Variants in RRP1 observed in about 807,000 individuals in gnomAD.
RRP1 encodes ribosomal RNA processing 1, also known as ribosomal RNA processing protein 1 homolog A.
A neutral mutation model predicts 54.6 loss-of-function variants in RRP1; 37 were observed. The observed-to-expected ratio is 0.68, with a 90% CI of 0.52 to 0.89. The LOEUF (loss-of-function observed/expected upper bound fraction) is 0.89. Ranked by LOEUF, RRP1 falls within the 40% of genes least tolerant of loss-of-function variation. The pLI, the probability that RRP1 is intolerant of heterozygous loss-of-function variation, is 0.00. For synonymous variants in RRP1, 262 were observed against 244.3 expected, an observed-to-expected ratio of 1.07 and a Z score of -0.67; for missense variants, 639 against 612.5, an observed-to-expected ratio of 1.04 and a Z score of -0.46.
At chr21:43,794,255 C>T (rs578001442) in intron 4 of RRP1, among the ~76,000 whole-genome samples, 8 of 152,286 alleles carry the variant, frequency 5.3e-5, no homozygotes, top group Admixed American at 4.6e-4. Flanking sequence ...AGGCCAGGGG[C>T]CCGGCCATGC....
intron 2 of RRP1, 126 bp from the exon 3 acceptor site, chr21:43,792,546 A>AC (rs1416340903): frequency 2.2e-6 from 2 of 899,972 alleles, no homozygotes; most frequent in African/African-American, 3.3e-5. Context: ...CTGAGCTGAG[A>AC]CCCCCTGGAA....
intron 10 of RRP1, 92 bp downstream of exon 10, chr21:43,800,706 T>C: frequency 6.8e-7 from 1 of 1,471,968 alleles, no homozygotes; most frequent in Admixed American, 1.7e-5. Context: ...TCCTGGGCCC[T>C]TCCGCAGCCC....
rs538125019 is a variant in RRP1, at chr21:43,792,109, T to C, written c.217-563T>C. Among the ~76,000 whole-genome samples the C allele has an allele frequency of 1.2e-4, 18 of 152,336 alleles. No individual in the cohort carries two copies. The South Asian group carries it at 3.5e-3, about 30-fold the overall frequency. The stretch of plus-strand genomic sequence containing the variant: ...AACATTGTTTCTCAAATTGTGAATT[T>C]TGTGCTCTCCTTCAAAATCTCCTGG... On this transcript the variant is annotated intron_variant, in intron 2 of 12. Coordinates refer to ENST00000497547, the MANE Select transcript of RRP1 (RefSeq NM_003683.6).
Position 43,794,295 on chromosome 21 carries a change from A to G in RRP1, c.360+891A>G, listed in dbSNP as rs1008135641. Reference sequence around the variant, plus strand: ...AGACAGAGTGCAGACTCTTAGGGACAATGGGGCTCTGCAGGGAGGCCACCC... The same window carrying G: ...AGACAGAGTGCAGACTCTTAGGGACGATGGGGCTCTGCAGGGAGGCCACCC... On this transcript the variant is annotated intron_variant, in intron 4 of 12. Coordinates refer to ENST00000497547, the MANE Select transcript of RRP1 (RefSeq NM_003683.6). Among the ~76,000 whole-genome samples, 5 of 152,296 alleles carry G rather than the reference A, an allele frequency of 3.3e-5. No individual in the cohort carries two copies. In the East Asian group the frequency reaches 9.6e-4, roughly 29 times the overall value.
chr21:43,803,630 G>A lies in RRP1; in HGVS notation c.1242G>A (p.Glu414=), dbSNP rs11701638. ...CTGGTGAGCAGCCAGGCACAGCTGAGCGGGCCCTGCTCCGAGATCAGCCCA... is the reference window on the plus strand; with the variant it reads ...CTGGTGAGCAGCCAGGCACAGCTGAACGGGCCCTGCTCCGAGATCAGCCCA... ...AEAGEQPGTA[E]RALLRDQPRG... is the part of the protein sequence containing the mutation. The change falls in exon 13 of 13, where the codon GAG becomes GAA. Residue 414 remains glutamate (E), a synonymous_variant. Transcript: ENST00000497547. 4 of 1,551,038 alleles carry A rather than the reference G, an allele frequency of 2.6e-6. No individual in the cohort carries two copies. The highest frequency in any genetic ancestry group is 4.9e-5 in the East Asian group (2 of 41,050).
chr21:43,797,685 C>T lies in RRP1; in HGVS notation c.607C>T (p.Arg203Trp), dbSNP rs372422903. The T allele has an allele frequency of 1.1e-4, 179 of 1,613,686 alleles. No individual in the cohort carries two copies. The highest frequency in any genetic ancestry group is 1.5e-4 in the Non-Finnish European group (172 of 1,180,026). ...FIDPFCRIAA[R>W]TKDSLVLNNI... ...CGACCCCTTCTGCAGAATTGCTGCC[C>T]GGACCAAGGAGTAAGTGGTGGGTGG... The change falls in exon 7 of 13, where the codon CGG becomes TGG. Residue 203 changes from arginine (R) to tryptophan (W), a missense_variant. Arg to Trp is a moderately radical substitution (Grantham distance 101). Coordinates refer to ENST00000497547, the MANE Select transcript of RRP1 (RefSeq NM_003683.6).
At chr21:43,794,174 A>G (rs1037941179) in intron 4 of RRP1, among the ~76,000 whole-genome samples, 3 of 152,148 alleles carry the variant, frequency 2.0e-5, no homozygotes, top group Non-Finnish European at 1.5e-5. Flanking sequence ...CAGCATATAT[A>G]CCAGTGATTC....
At chr21:43,791,932 A>G (rs940228542) in intron 2 of RRP1, among the ~76,000 whole-genome samples, 1 of 152,078 alleles carries the variant, frequency 6.6e-6, no homozygotes, top group Non-Finnish European at 1.5e-5. Flanking sequence ...TGTTGATGTG[A>G]TTGACTGAGC....
At chr21:43,802,422 C>A in intron 12 of RRP1, 35 bp downstream of exon 12, 1 of 1,543,138 alleles carries the variant, frequency 6.5e-7, no homozygotes, top group South Asian at 1.1e-5. Flanking sequence ...ATGGAGCCGG[C>A]GTCCTCACCT....
chr21:43,801,028 G>A, intron 11 of RRP1, 147 bp downstream of exon 11: 2 of 877,082 alleles, frequency 2.3e-6, no homozygotes, highest in East Asian at 2.5e-5. Context: ...AGGGAGGCAG[G>A]GCGCAGGGTT....
intron 2 of RRP1, 21 bp downstream of exon 2, chr21:43,791,453 AG>A: frequency 6.2e-7 from 1 of 1,611,436 alleles, no homozygotes; most frequent in Non-Finnish European, 8.5e-7. Flanking sequence ...GGAGCAGCAG[AG>A]CAGGTACAGA....
intron 1 of RRP1, 64 bp from the exon 2 acceptor site, chr21:43,791,286 G>C (rs2084954665): frequency 2.6e-6 from 4 of 1,552,688 alleles, no homozygotes; most frequent in African/African-American, 1.4e-5. Flanking sequence ...CGTTTCTGTG[G>C]CTTCCTTTCT....
rs2084971704 is a variant in RRP1, at chr21:43,792,573, G to A, written c.217-99G>A. On this transcript the variant is annotated intron_variant, in intron 2 of 12. Coordinates refer to ENST00000497547, the MANE Select transcript of RRP1 (RefSeq NM_003683.6). ...CCCCTGGAAGCCGACTCTCTGTGATGAGTGAGTGAGTGAGTGGGTGAGTGG... is the reference window on the plus strand; with the variant it reads ...CCCCTGGAAGCCGACTCTCTGTGATAAGTGAGTGAGTGAGTGGGTGAGTGG... 3 of 1,099,520 alleles carry A rather than the reference G, an allele frequency of 2.7e-6. No homozygotes were observed. The South Asian group carries it at 4.0e-5, about 15-fold the overall frequency. The allele number at this position is 1,099,520 out of a possible 1,614,324, so 68.1% of individuals were successfully genotyped here. A position where few individuals can be genotyped will look rare whatever the true frequency, so the allele number is the denominator to read the frequency against.
At chr21:43,796,039 A>G (rs1319439059) in intron 5 of RRP1, among the ~76,000 whole-genome samples, 1 of 152,146 alleles carries the variant, frequency 6.6e-6, no homozygotes, top group Non-Finnish European at 1.5e-5. Flanking sequence ...TGGTGGGTTA[A>G]GGGGATCTCT....
chr21:43,794,552 G>A (rs2084996166), intron 4 of RRP1, among the ~76,000 whole-genome samples: 1 of 152,170 alleles, frequency 6.6e-6, no homozygotes, highest in African/African-American at 2.4e-5. Context: ...GGGGGTCCGC[G>A]TGTCCTCTGC....
At chr21:43,801,471 G>T (rs1223864887) in intron 11 of RRP1, among the ~76,000 whole-genome samples, 1 of 152,084 alleles carries the variant, frequency 6.6e-6, no homozygotes, top group Admixed American at 6.6e-5. Context: ...CCAGGGTTTG[G>T]TTTTTTTATT....
At chr21:43,792,595 G>A (rs1172791106) in intron 2 of RRP1, 77 bp from the exon 3 acceptor site, 2 of 1,386,882 alleles carry the variant, frequency 1.4e-6, no homozygotes, top group Non-Finnish European at 2.0e-6. Context: ...GAGTGGGTGA[G>A]TGGGTGGTTG....
intron 1 of RRP1, 195 bp from the exon 2 acceptor site, chr21:43,791,155 A>G: frequency 1.5e-6 from 1 of 648,630 alleles, no homozygotes; most frequent in Non-Finnish European, 2.9e-6. Flanking sequence ...TACCTGGAGT[A>G]GCCGCATAGC....
In RRP1 at chr21:43,797,534, A is replaced by G; in HGVS notation, c.535A>G (p.Lys179Glu). Reference protein sequence around the residue: ...FIEIFLEELTKVGAEELTADQ... With the variant: ...FIEIFLEELTEVGAEELTADQ... Reference sequence around the variant, plus strand: ...CGAGATCTTCCTGGAGGAGCTGACCAAAGTGGGCGCCGAGGAGGTGAGGCT... The same window carrying G: ...CGAGATCTTCCTGGAGGAGCTGACCGAAGTGGGCGCCGAGGAGGTGAGGCT... Residue 179 changes from lysine (K) to glutamate (E), a missense_variant, in exon 6 of 13, where the codon AAA (lysine) becomes GAA (glutamate). By Grantham distance (56) the Lys-to-Glu change is moderately conservative. Coordinates refer to ENST00000497547, the MANE Select transcript of RRP1 (RefSeq NM_003683.6). 1.2e-6 allele frequency: 2 copies of G among 1,613,978 alleles called. No homozygotes were observed. The highest frequency in any genetic ancestry group is 1.3e-5 in the African/African-American group (1 of 75,038).
Sources: allele counts gnomAD v4.1 joint callset (sites outside exome capture counted in the v4.1 genomes callset), GRCh38; gene constraint gnomAD v4.1.1; transcripts MANE v1.5; gene names NCBI Gene and HGNC (gene_info 2026-07-23, HGNC 2026-07-21).